The following MEIS1 variants were observed in gnomAD, a reference collection of about 807,000 sequenced individuals.
The protein encoded by MEIS1 is Meis homeobox 1.
A neutral mutation model predicts 50.8 loss-of-function variants in MEIS1; 5 were observed. The observed-to-expected ratio is 0.10, with a 90% CI of 0.05 to 0.21. MEIS1 has a LOEUF of 0.21. MEIS1 is among the 10% of genes least tolerant of loss of function. The probability of loss-of-function intolerance (pLI) is 1.00; values close to 1 mark genes in which losing one functional copy is unlikely to be tolerated. For missense variants in MEIS1, 318 were observed against 517.3 expected, an observed-to-expected ratio of 0.61 and a Z score of 3.74; for synonymous variants, 176 against 179.3, an observed-to-expected ratio of 0.98 and a Z score of 0.15.
chr2:66,567,342 C>G, intron 9 of MEIS1, 111 bp from the exon 10 acceptor site: 1 of 1,098,356 alleles, frequency 9.1e-7, no homozygotes, highest in Non-Finnish European at 1.4e-6. Flanking sequence ...TGAAGGAGTC[C>G]CATTTTGCCA....
chr2:66,487,780 C>T (rs1479127962), intron 7 of MEIS1, among the ~76,000 whole-genome samples: 2 of 152,166 alleles, frequency 1.3e-5, no homozygotes, highest in Non-Finnish European at 2.9e-5. Context: ...GAATGTTTCC[C>T]GTCACTTCTA....
intron 2 of MEIS1, chr2:66,439,317 G>A: frequency 8.7e-7 from 1 of 1,150,056 alleles, no homozygotes; most frequent in Non-Finnish European, 1.1e-6. Flanking sequence ...CCTAGGTGCA[G>A]CCCGTTGACA....
At chr2:66,443,642 T>C (rs933149460) in intron 6 of MEIS1, 4 of 152,452 alleles carry the variant, frequency 2.6e-5, no homozygotes, top group Admixed American at 2.6e-4. Context: ...CATTTTATTG[T>C]ACTTAATAGA....
intron 9 of MEIS1, among the ~76,000 whole-genome samples, chr2:66,559,464 C>T (rs542386638): frequency 6.6e-6 from 1 of 152,200 alleles, no homozygotes; most frequent in Non-Finnish European, 1.5e-5. Flanking sequence ...TAAATAGATA[C>T]ATTTATTCAG....
intron 6 of MEIS1, among the ~76,000 whole-genome samples, chr2:66,457,715 A>G (rs1476158414): frequency 4.6e-5 from 7 of 152,194 alleles, no homozygotes; most frequent in Non-Finnish European, 1.5e-5. Flanking sequence ...GGATGCTGAC[A>G]TACAGCGATC....
At chr2:66,555,280 C>CTCTCTCTCTCCCTCT (rs10695722) in intron 9 of MEIS1, among the ~76,000 whole-genome samples, 39 of 133,848 alleles carry the variant, frequency 2.9e-4, no homozygotes, top group African/African-American at 1.1e-3. Flanking sequence ...CTCTCTCTCT[C>CTCTCTCTCTCCCTCT]GTCTCTCTCC....
At chr2:66,558,276 T>C (rs1675120218) in intron 9 of MEIS1, among the ~76,000 whole-genome samples, 1 of 22,772 alleles carries the variant, frequency 4.4e-5, no homozygotes, top group Admixed American at 7.8e-4. Flanking sequence ...TGAAACTCCA[T>C]CTCAAAAAAA....
intron 11 of MEIS1, 125 bp from the exon 12 acceptor site, chr2:66,568,925 A>T (rs1186556434): frequency 1.5e-5 from 17 of 1,102,782 alleles, no homozygotes; most frequent in Non-Finnish European, 2.4e-5. Flanking sequence ...CAGGATCTTT[A>T]TGCACTGAAG....
intron 9 of MEIS1, among the ~76,000 whole-genome samples, chr2:66,563,131 G>A (rs1028399042): frequency 8.6e-5 from 13 of 152,030 alleles, no homozygotes; most frequent in Admixed American, 2.6e-4. Flanking sequence ...TGTAATATTA[G>A]GACCTTAATT....
intron 6 of MEIS1, among the ~76,000 whole-genome samples, chr2:66,444,640 G>A (rs1226738260): frequency 1.3e-5 from 2 of 152,226 alleles, no homozygotes; most frequent in East Asian, 1.9e-4. Context: ...AAAACTGCAG[G>A]CGGCTCCCAG....
chr2:66,484,531 G>C (rs1297934958), intron 7 of MEIS1, among the ~76,000 whole-genome samples: 1 of 151,868 alleles, frequency 6.6e-6, no homozygotes, highest in Non-Finnish European at 1.5e-5. Flanking sequence ...TTTACAAAAG[G>C]AATTTTCTTT....
At chr2:66,482,131 A>G (rs1037296998) in intron 7 of MEIS1, among the ~76,000 whole-genome samples, 2 of 152,128 alleles carry the variant, frequency 1.3e-5, no homozygotes, top group African/African-American at 2.4e-5. Context: ...AAGTGGTGGG[A>G]TTGCAGGTGT....
chr2:66,558,247 C>G (rs889920404), intron 9 of MEIS1, among the ~76,000 whole-genome samples: 8 of 127,108 alleles, frequency 6.3e-5, no homozygotes, highest in African/African-American at 2.4e-4. Flanking sequence ...CCACTGCACT[C>G]CAGCATGGGC....
rs763582376 is a variant in MEIS1 at position 66,571,341 on chromosome 2, C to G, written c.*133C>G. On this transcript the variant is annotated 3_prime_UTR_variant, in exon 13 of 13. Transcript: ENST00000272369. ...TTATACCCAACCCCAGATGCCCCCC[C>G]ATCCTGCTCAGCTGCGTCATGGGCC... is the stretch of plus-strand genomic sequence containing the variant. 3.8e-6 allele frequency: 6 copies of G among 1,599,698 alleles called. No homozygotes were observed. The highest frequency in any genetic ancestry group is 1.6e-4 in the Middle Eastern group (1 of 6,072).
intron 6 of MEIS1, chr2:66,443,574 C>G (rs553467877): frequency 6.4e-6 from 1 of 155,408 alleles, no homozygotes; most frequent in East Asian, 1.9e-4. Flanking sequence ...TTTCCTCGGC[C>G]GAACGCTTCT....
At chr2:66,444,018 G>A (rs1672066911) in intron 6 of MEIS1, among the ~76,000 whole-genome samples, 1 of 152,150 alleles carries the variant, frequency 6.6e-6, no homozygotes, top group Non-Finnish European at 1.5e-5. Flanking sequence ...CTCTCCTGTG[G>A]CTGTATCTCT....
intron 6 of MEIS1, among the ~76,000 whole-genome samples, chr2:66,455,175 A>G (rs1672360311): frequency 1.3e-5 from 2 of 152,198 alleles, no homozygotes; most frequent in South Asian, 2.1e-4. Context: ...TCTTCTTAAG[A>G]TTTTTCTCTA....
intron 8 of MEIS1, among the ~76,000 whole-genome samples, chr2:66,539,186 C>T (rs906519155): frequency 2.0e-5 from 3 of 152,094 alleles, no homozygotes; most frequent in Non-Finnish European, 4.4e-5. Context: ...CGTGCCTGGC[C>T]AAAAGTGCTC....
intron 12 of MEIS1, chr2:66,570,074 C>T (rs1675446435): frequency 6.6e-6 from 1 of 152,332 alleles, no homozygotes; most frequent in Admixed American, 6.5e-5. Flanking sequence ...GCAGTTATTT[C>T]AGAGTCTTGC....
Sources: allele counts gnomAD v4.1 joint callset (sites outside exome capture counted in the v4.1 genomes callset), GRCh38; gene constraint gnomAD v4.1.1; transcripts MANE v1.5; gene names NCBI Gene and HGNC (gene_info 2026-07-23, HGNC 2026-07-21).